Variants in MALRD1 observed in about 807,000 individuals in gnomAD.
MALRD1 encodes MAM and LDL-receptor class A domain-containing protein 1.
MALRD1 carries 247 observed loss-of-function variants against 242.1 expected under a neutral mutation model. The observed-to-expected ratio is 1.02, with a 90% CI of 0.92 to 1.13. MALRD1 has a LOEUF of 1.13. Among genes scored for constraint, MALRD1 ranks in the 50% most tolerant of loss-of-function variants. The pLI, the probability that MALRD1 is intolerant of heterozygous loss-of-function variation, is 0.00. For missense variants in MALRD1, 2,989 were observed against 2,533.1 expected (o/e 1.18, Z -3.86); for synonymous variants, 995 against 866.6 (o/e 1.15, Z -2.60).
intron 28 of MALRD1, among the ~76,000 whole-genome samples, chr10:19,412,143 AC>A (rs1833300277): frequency 6.6e-6 from 1 of 152,152 alleles, no homozygotes; most frequent in African/African-American, 2.4e-5. Context: ...TACTAAAAAT[AC>A]AAAAATTAGC....
chr10:19,096,682 T>C (rs1436037148), intron 4 of MALRD1, among the ~76,000 whole-genome samples: 3 of 152,220 alleles, frequency 2.0e-5, no homozygotes, highest in Non-Finnish European at 4.4e-5. Flanking sequence ...AATTCTGTAA[T>C]CAGAGTCTCC....
intron 33 of MALRD1, among the ~76,000 whole-genome samples, chr10:19,575,512 CAA>C (rs34429110): frequency 2.1e-5 from 3 of 140,182 alleles, no homozygotes; most frequent in East Asian, 2.2e-4. Flanking sequence ...CACACACACA[CAA>C]ACACACACTT....
chr10:19,322,712 G>A (rs938055443), intron 21 of MALRD1, among the ~76,000 whole-genome samples: 3 of 152,160 alleles, frequency 2.0e-5, no homozygotes, highest in Non-Finnish European at 4.4e-5. Context: ...TGAGCACTCA[G>A]TAAATACATG....
At position 19,205,979 on chromosome 10, in the gene MALRD1, G is replaced by C. The variant is rs541853814; in HGVS notation, c.2578+714G>C. On this transcript the variant is annotated intron_variant, in intron 17 of 39. Transcript: ENST00000454679. Reference sequence around the variant, plus strand: ...AAGTTTGCATCTTTCCTTGGACTCAGATTCCTCATCCAGAAATAGCAATGA... The same window carrying C: ...AAGTTTGCATCTTTCCTTGGACTCACATTCCTCATCCAGAAATAGCAATGA... 7.3e-5 allele frequency among the ~76,000 whole-genome samples: 11 copies of C among 150,754 alleles called. No individual in the cohort carries two copies. In the East Asian group the frequency reaches 1.9e-3, roughly 27 times the overall value.
Position 19,387,565 on chromosome 10 carries a change from A to T in MALRD1, c.4479A>T (p.Gly1493=). The T allele has an allele frequency of 6.4e-7, 1 of 1,550,396 alleles. No homozygotes were observed. The highest frequency in any genetic ancestry group is 8.7e-7 in the Non-Finnish European group (1 of 1,146,862). The change falls in exon 27 of 40, where the codon GGA becomes GGT. Residue 1493 remains glycine (G), a synonymous_variant. Coordinates refer to ENST00000454679, the MANE Select transcript of MALRD1 (RefSeq NM_001142308.3). ...CPLGYRECHN[G]KCYRLEQSCN... ...TTGGCTATAGGGAATGTCATAATGG[A>T]AAATGCTATAGGCTGGAACAAAGCT...
chr10:19,463,427 C>G (rs1307464777), intron 29 of MALRD1, among the ~76,000 whole-genome samples: 2 of 151,680 alleles, frequency 1.3e-5, no homozygotes, highest in African/African-American at 4.8e-5. Flanking sequence ...CTCCCACTTA[C>G]GAGTAAGAGC....
At chr10:19,355,042 A>G (rs937224757) in intron 26 of MALRD1, among the ~76,000 whole-genome samples, 3 of 152,206 alleles carry the variant, frequency 2.0e-5, no homozygotes, top group Admixed American at 1.3e-4. Flanking sequence ...CTTAGAGCTC[A>G]TAGGAGGGAA....
chr10:19,524,928 A>T (rs1834036205), intron 31 of MALRD1, among the ~76,000 whole-genome samples: 1 of 150,026 alleles, frequency 6.7e-6, no homozygotes, highest in Non-Finnish European at 1.5e-5. Flanking sequence ...TTTGAGATGG[A>T]GTTTTGCTCT....
intron 36 of MALRD1, among the ~76,000 whole-genome samples, chr10:19,662,932 T>A (rs1841511998): frequency 6.6e-6 from 1 of 152,186 alleles, no homozygotes; most frequent in Non-Finnish European, 1.5e-5. Context: ...TCATAGAATG[T>A]TGACCCTCAG....
intron 28 of MALRD1, among the ~76,000 whole-genome samples, chr10:19,391,733 G>T (rs1412281497): frequency 6.6e-6 from 1 of 150,812 alleles, no homozygotes; most frequent in Non-Finnish European, 1.5e-5. Flanking sequence ...GTGTCTTGCA[G>T]TTCCAGAAAG....
chr10:19,693,287 C>T (rs573839228), intron 38 of MALRD1, among the ~76,000 whole-genome samples: 63 of 151,970 alleles, frequency 4.1e-4, no homozygotes, highest in African/African-American at 1.4e-3. Context: ...GTCAAATTGT[C>T]CCTGTTTGCA....
intron 33 of MALRD1, among the ~76,000 whole-genome samples, chr10:19,569,444 T>G (rs1218297854): frequency 6.6e-6 from 1 of 151,674 alleles, no homozygotes; most frequent in Non-Finnish European, 1.5e-5. Flanking sequence ...TTCACCTGTC[T>G]CCAAACTCTT....
chr10:19,625,431 T>C (rs772261536), intron 36 of MALRD1, among the ~76,000 whole-genome samples: 3 of 152,108 alleles, frequency 2.0e-5, no homozygotes, highest in South Asian at 2.1e-4. Context: ...ATTTATCCTT[T>C]ACTTCCCAGT....
intron 21 of MALRD1, among the ~76,000 whole-genome samples, chr10:19,288,791 C>A (rs1588857890): frequency 6.6e-6 from 1 of 152,042 alleles, no homozygotes; most frequent in East Asian, 1.9e-4. Flanking sequence ...GCCCTTACAG[C>A]CCTCTCCACA....
chr10:19,473,884 G>A (rs1291576924), intron 29 of MALRD1, among the ~76,000 whole-genome samples: 2 of 152,014 alleles, frequency 1.3e-5, no homozygotes, highest in African/African-American at 4.8e-5. Context: ...TGTAATTTTT[G>A]TAAGAACCAC....
chr10:19,192,696 A>G (rs909298948), intron 14 of MALRD1, among the ~76,000 whole-genome samples: 1 of 152,200 alleles, frequency 6.6e-6, no homozygotes, highest in Admixed American at 6.5e-5. Flanking sequence ...ACCTACAGAA[A>G]CTAAGAGATA....
intron 28 of MALRD1, among the ~76,000 whole-genome samples, chr10:19,413,449 A>T (rs553042591): frequency 1.3e-5 from 2 of 152,094 alleles, no homozygotes; most frequent in African/African-American, 4.8e-5. Context: ...TTTATACTAG[A>T]TTGAATTTGA....
At chr10:19,632,067 T>G (rs995482149) in intron 36 of MALRD1, among the ~76,000 whole-genome samples, 4 of 152,166 alleles carry the variant, frequency 2.6e-5, no homozygotes, top group African/African-American at 9.7e-5. Context: ...AAGTGGCCTC[T>G]TAGTTTAATG....
At chr10:19,282,131 A>G (rs1840844939) in intron 20 of MALRD1, among the ~76,000 whole-genome samples, 1 of 152,142 alleles carries the variant, frequency 6.6e-6, no homozygotes, top group Admixed American at 6.6e-5. Context: ...AGTTCTATTA[A>G]AAGCCTACAA....
Sources: gnomAD v4.1 joint callset for allele counts (sites outside exome capture counted in the v4.1 genomes callset) on GRCh38, gnomAD v4.1.1 for gene constraint, MANE v1.5 for transcripts, NCBI Gene and HGNC (gene_info 2026-07-23, HGNC 2026-07-21) for gene names.